NFS1: variants seen among roughly 807,000 people sequenced by gnomAD.
NFS1 encodes NFS1 cysteine desulfurase.
NFS1 carries 26 observed loss-of-function variants against 57.3 expected under a neutral mutation model. The ratio of observed to expected loss-of-function variants is 0.45; its 90% confidence interval spans 0.33 to 0.63. The LOEUF (loss-of-function observed/expected upper bound fraction) is 0.63, where lower values mean the gene tolerates loss of function less well. NFS1 is among the 20% of genes least tolerant of loss of function. The pLI is 0.02. For missense variants in NFS1, 505 were observed against 605.8 expected (o/e 0.83, Z 1.75); for synonymous variants, 209 against 216.3 (o/e 0.97, Z 0.30).
At chr20:35,676,045 G>A (rs981411377) in intron 7 of NFS1, 10 of 152,070 alleles carry the variant, frequency 6.6e-5, no homozygotes, top group African/African-American at 2.4e-4. Flanking sequence ...CAGCACTTTG[G>A]GAGGCTGAGG....
intron 12 of NFS1, 49 bp from the exon 13 acceptor site, chr20:35,669,734 C>A: frequency 6.4e-7 from 1 of 1,555,806 alleles, no homozygotes; most frequent in South Asian, 1.1e-5. Flanking sequence ...GATAGGAAGT[C>A]GACAACATTG....
At chr20:35,685,993 G>T (rs1355840379) in intron 5 of NFS1, among the ~76,000 whole-genome samples, 8 of 146,326 alleles carry the variant, frequency 5.5e-5, no homozygotes, top group Non-Finnish European at 1.2e-4. Flanking sequence ...GCAATGGCAC[G>T]ATCTCGGCTC....
At chr20:35,696,081 T>C (rs2035128892) in intron 4 of NFS1, among the ~76,000 whole-genome samples, 1 of 151,396 alleles carries the variant, frequency 6.6e-6, no homozygotes, top group Non-Finnish European at 1.5e-5. Flanking sequence ...ATCACCATTA[T>C]CCACTCTCTG....
At chr20:35,698,072 TGTTTCCATTCCTGCC>T (rs1253325338) in intron 2 of NFS1, among the ~76,000 whole-genome samples, 1 of 152,208 alleles carries the variant, frequency 6.6e-6, no homozygotes, top group East Asian at 1.9e-4. Flanking sequence ...TTTCTGCTGG[TGTTTCCATTCCTGCC>T]AGGTAATGTG....
At chr20:35,685,882 G>GAAACACAGGGGTA (rs2034932067) in intron 5 of NFS1, among the ~76,000 whole-genome samples, 1 of 138,014 alleles carries the variant, frequency 7.2e-6, no homozygotes, top group Non-Finnish European at 1.6e-5. Context: ...AAAAAAAAAA[G>GAAACACAGGGGTA]AAACACAGGG....
intron 7 of NFS1, among the ~76,000 whole-genome samples, chr20:35,679,331 A>C (rs948137690): frequency 1.3e-5 from 2 of 152,030 alleles, no homozygotes; most frequent in African/African-American, 4.8e-5. Flanking sequence ...TTAAAGGCAC[A>C]TGCCACCACA....
intron 6 of NFS1, 63 bp downstream of exon 6, chr20:35,681,825 A>C: frequency 1.1e-6 from 1 of 893,742 alleles, no homozygotes; most frequent in Non-Finnish European, 1.9e-6. Flanking sequence ...TACAGCTCTC[A>C]GTATACTACC....
rs535473314 is a variant in NFS1 at position 35,691,445 on chromosome 20, G to T, written c.409-880C>A. Among the ~76,000 whole-genome samples the T allele has an allele frequency of 6.3e-4, 86 of 137,084 alleles. 1 individual carries two copies. The highest frequency in any genetic ancestry group is 4.8e-4 in the East Asian group (2 of 4,134). 89.9% of individuals were successfully genotyped at this position (137,084 alleles called of 152,430 possible). A position where few individuals can be genotyped will look rare whatever the true frequency, so the allele number is the denominator to read the frequency against. On this transcript the variant is annotated intron_variant, in intron 4 of 12. Transcript: ENST00000374092. ...TAAAAAAAACATTTATCTCATTGAA[G>T]AAAAAAAAAAAGCGGCCAGGTGCAG...
chr20:35,679,086 TG>T (rs1217937737), intron 7 of NFS1, among the ~76,000 whole-genome samples: 1 of 152,238 alleles, frequency 6.6e-6, no homozygotes, highest in African/African-American at 2.4e-5. Flanking sequence ...GAGGGACACC[TG>T]TACACATGTA....
At chr20:35,676,758 G>GAAAA (rs746820595) in intron 7 of NFS1, among the ~76,000 whole-genome samples, 24 of 18,126 alleles carry the variant, frequency 1.3e-3, no homozygotes, top group African/African-American at 5.1e-3. Context: ...GAGAAAATCA[G>GAAAA]AAAAAAAAAA....
intron 5 of NFS1, among the ~76,000 whole-genome samples, chr20:35,688,553 T>A (rs1055549440): frequency 1.3e-5 from 2 of 151,886 alleles, no homozygotes; most frequent in Non-Finnish European, 2.9e-5. Context: ...CAATATTCCA[T>A]CTCAAAAAAC....
intron 4 of NFS1, chr20:35,692,297 C>A (rs1433925930): frequency 8.3e-6 from 2 of 240,980 alleles, no homozygotes; most frequent in African/African-American, 4.7e-5. Context: ...TCGCTTGAAC[C>A]TGGGAGGCAG....
At chr20:35,671,267 A>AT (rs773820848) in intron 12 of NFS1, among the ~76,000 whole-genome samples, 25 of 152,060 alleles carry the variant, frequency 1.6e-4, no homozygotes, top group Non-Finnish European at 3.1e-4. Flanking sequence ...TGCCAGGCTA[A>AT]TTTTTTTGTA....
intron 7 of NFS1, among the ~76,000 whole-genome samples, chr20:35,679,071 A>C (rs1356534081): frequency 6.6e-6 from 1 of 152,216 alleles, no homozygotes; most frequent in African/African-American, 2.4e-5. Context: ...AGGAGGTTGG[A>C]TAATGAGGGA....
In NFS1 at chr20:35,684,541, A is replaced by G. The variant is rs374334774; in HGVS notation, c.562-2560T>C. Among the ~76,000 whole-genome samples the G allele has an allele frequency of 2.6e-5, 4 of 151,930 alleles. No homozygotes were observed. The South Asian group carries it at 6.2e-4, about 24-fold the overall frequency. On this transcript the variant is annotated intron_variant, in intron 5 of 12. Transcript: ENST00000374092. ...TGAAATAGGTGGATCATTTGAGGTC[A>G]GGAGTTTGGACCAGCCCAGCCAACA...
At chr20:35,692,788 G>A (rs1416685950) in intron 4 of NFS1, among the ~76,000 whole-genome samples, 3 of 152,058 alleles carry the variant, frequency 2.0e-5, no homozygotes, top group African/African-American at 7.2e-5. Context: ...GATCACCTGA[G>A]GTCAGAAGTT....
intron 3 of NFS1, 139 bp downstream of exon 3, chr20:35,697,545 C>T: frequency 1.7e-6 from 1 of 585,394 alleles, no homozygotes; most frequent in Non-Finnish European, 3.0e-6. Flanking sequence ...AGTCAAACTC[C>T]AAGGCTGCTC....
Position 35,669,402 on chromosome 20 carries a change from C to CT in NFS1, c.*219dup. On this transcript the variant is annotated 3_prime_UTR_variant, in exon 13 of 13. Transcript: ENST00000374092. ...GCTTCGGGATGAAAATGTCCACACACTTTAAGACCCGAGAAGAAATGGGGA... is the reference window on the plus strand; with the variant it reads ...GCTTCGGGATGAAAATGTCCACACACTTTTAAGACCCGAGAAGAAATGGGGA... 1 of 508,054 alleles carries CT rather than the reference C, an allele frequency of 2.0e-6. No homozygotes were observed. The highest frequency in any genetic ancestry group is 2.7e-5 in the South Asian group (1 of 36,920). The allele number at this position is 508,054 out of a possible 1,614,324, so 31.5% of individuals were successfully genotyped here. A position where few individuals can be genotyped will look rare whatever the true frequency, so the allele number is the denominator to read the frequency against.
chr20:35,684,892 G>C (rs1341949919), intron 5 of NFS1, among the ~76,000 whole-genome samples: 1 of 151,772 alleles, frequency 6.6e-6, no homozygotes. Context: ...GGGAGACCCT[G>C]TCTCTTTTTT....
Sources: gnomAD v4.1 joint callset for allele counts (sites outside exome capture counted in the v4.1 genomes callset) on GRCh38, gnomAD v4.1.1 for gene constraint, MANE v1.5 for transcripts, NCBI Gene and HGNC (gene_info 2026-07-23, HGNC 2026-07-21) for gene names.